Variants in SNCAIP observed in about 807,000 individuals in gnomAD.
The protein encoded by SNCAIP is synphilin-1.
In SNCAIP, 43 loss-of-function variants were observed where a neutral mutation model predicts 86.7. The observed-to-expected ratio is 0.50, with a 90% CI of 0.39 to 0.64. SNCAIP has a LOEUF of 0.64. Among genes scored for constraint, SNCAIP ranks in the 30% least tolerant of loss-of-function variants. The pLI, the probability that SNCAIP is intolerant of heterozygous loss-of-function variation, is 0.00. For missense variants in SNCAIP, 981 were observed against 1,103.1 expected, an observed-to-expected ratio of 0.89 and a Z score of 1.57; for synonymous variants, 417 against 427.2, an observed-to-expected ratio of 0.98 and a Z score of 0.29.
In SNCAIP at chr5:122,406,179, C is replaced by T. The variant is rs140184036; in HGVS notation, c.130+2314C>T. ...TGGGCCCCTCTGAAAGAAATCTCAA[C>T]GTGATGAAGTTTTCGGAGCTGGTTT... On this transcript the variant is annotated intron_variant, in intron 3 of 10. Transcript: ENST00000261368. Among the ~76,000 whole-genome samples the T allele has an allele frequency of 2.0e-3, 311 of 152,274 alleles. 1 individual carries two copies. Among genetic ancestry groups the T allele is most frequent in the African/African-American group, 5.1e-3 (210 of 41,560 alleles).
chr5:122,431,267 A>G (rs572420614), intron 5 of SNCAIP, among the ~76,000 whole-genome samples: 1 of 152,282 alleles, frequency 6.6e-6, no homozygotes, highest in South Asian at 2.1e-4. Context: ...CCGAGGAGAA[A>G]TAAAAGCATG....
In SNCAIP at chr5:122,451,334, C is replaced by A. The variant is rs1353858733; in HGVS notation, c.2487C>A (p.Ser829Arg). 6.2e-7 allele frequency: 1 copy of A among 1,614,084 alleles called. No individual in the cohort carries two copies. The highest frequency in any genetic ancestry group is 1.1e-5 in the South Asian group (1 of 91,080). The change falls in exon 10 of 11, where the codon AGC (serine) becomes AGA (arginine). Residue 829 changes from serine (S) to arginine (R), a missense_variant. Transcript: ENST00000261368. Reference sequence around the variant, plus strand: ...CTGTGGTGCAGATGGAGCAGCCTAGCCTTGAACTGAATGGAGAAAAAGACA... The same window carrying A: ...CTGTGGTGCAGATGGAGCAGCCTAGACTTGAACTGAATGGAGAAAAAGACA... ...EEPVVQMEQP[S>R]LELNGEKDKD...
Position 122,444,665 on chromosome 5 carries a change from C to T in SNCAIP, c.1525C>T (p.Leu509=). 1.2e-6 allele frequency: 2 copies of T among 1,614,006 alleles called. No individual in the cohort carries two copies. Among genetic ancestry groups the T allele is most frequent in the South Asian group, 1.1e-5 (1 of 91,080 alleles). Residue 509 remains leucine (L), a synonymous_variant, in exon 8 of 11, where the codon CTG becomes TTG. Transcript: ENST00000261368. The part of the protein sequence containing the change: ...RQGHTLCSRY[L]VVVETCMSLA... Reference sequence around the variant, plus strand: ...GGGGCACACCCTGTGCTCCAGGTACCTGGTGGTGGTGGAGACCTGCATGTC... The same window carrying T: ...GGGGCACACCCTGTGCTCCAGGTACTTGGTGGTGGTGGAGACCTGCATGTC...
At chr5:122,346,305 C>T (rs916892587) in intron 1 of SNCAIP, among the ~76,000 whole-genome samples, 12 of 152,084 alleles carry the variant, frequency 7.9e-5, no homozygotes, top group Non-Finnish European at 1.5e-5. Flanking sequence ...GAATGGCTTA[C>T]CTTACATGGT....
intron 3 of SNCAIP, among the ~76,000 whole-genome samples, chr5:122,417,167 C>T (rs138148170): frequency 2.0e-5 from 3 of 152,286 alleles, no homozygotes; most frequent in East Asian, 1.9e-4. Context: ...ACTGTTGCAA[C>T]AGCAAACTGT....
At chr5:122,315,687 A>G (rs1554074143) in intron 1 of SNCAIP, among the ~76,000 whole-genome samples, 1 of 151,984 alleles carries the variant, frequency 6.6e-6, no homozygotes, top group Non-Finnish European at 1.5e-5. Context: ...TTGTCCTGCA[A>G]TTTTTTTTCT....
intron 1 of SNCAIP, among the ~76,000 whole-genome samples, chr5:122,337,583 G>A (rs1756746939): frequency 6.6e-6 from 1 of 152,156 alleles, no homozygotes; most frequent in Non-Finnish European, 1.5e-5. Flanking sequence ...CTGTCACCCA[G>A]GCTGGAGTGC....
intron 1 of SNCAIP, among the ~76,000 whole-genome samples, chr5:122,377,354 AT>A (rs1226683237): frequency 6.6e-6 from 1 of 151,900 alleles, no homozygotes; most frequent in African/African-American, 2.4e-5. Flanking sequence ...GTTTGCATGT[AT>A]TTTTTTCTAT....
chr5:122,444,595 G>T lies in SNCAIP; in HGVS notation c.1455G>T (p.Met485Ile). The change falls in exon 8 of 11, where the codon ATG becomes ATT. Residue 485 changes from methionine (M) to isoleucine (I), a missense_variant. Coordinates refer to ENST00000261368, the MANE Select transcript of SNCAIP (RefSeq NM_005460.4). ...TLVEYGANVTMQNHAGEKPSQ... is the reference protein window; with the variant it reads ...TLVEYGANVTIQNHAGEKPSQ... ...TTGAATATGGAGCAAATGTCACCAT[G>T]CAGAACCACGCTGGGGAAAAGCCCT... 6.2e-7 allele frequency: 1 copy of T among 1,614,164 alleles called. No individual in the cohort carries two copies. Among genetic ancestry groups the T allele is most frequent in the East Asian group, 2.2e-5 (1 of 44,878 alleles).
chr5:122,403,655 G>C (rs1335486681), intron 2 of SNCAIP, 138 bp from the exon 3 acceptor site: 1 of 790,350 alleles, frequency 1.3e-6, no homozygotes, highest in African/African-American at 1.7e-5. Context: ...GCCCATTTAG[G>C]GTAAAATGAG....
intron 5 of SNCAIP, among the ~76,000 whole-genome samples, chr5:122,430,507 A>C (rs548193844): frequency 4.6e-5 from 7 of 152,170 alleles, no homozygotes; most frequent in African/African-American, 4.8e-5. Flanking sequence ...TGAGTATCGG[A>C]TAGGTAAAGT....
At chr5:122,389,328 G>A (rs1015359990) in intron 1 of SNCAIP, 5 of 152,124 alleles carry the variant, frequency 3.3e-5, no homozygotes, top group African/African-American at 1.2e-4. Flanking sequence ...AGCATCATCT[G>A]TGTGTTGTTC....
chr5:122,429,856 A>T (rs3811894), intron 5 of SNCAIP, among the ~76,000 whole-genome samples: 33,242 of 152,026 alleles, frequency 0.22, 4,181 homozygotes, highest in South Asian at 0.32. Context: ...AGAACTTGAG[A>T]TAGAAAGGAC....
intron 4 of SNCAIP, among the ~76,000 whole-genome samples, chr5:122,424,239 T>TG (rs1010070762): frequency 1.3e-5 from 2 of 152,222 alleles, no homozygotes; most frequent in African/African-American, 4.8e-5. Flanking sequence ...CATTGCCCTC[T>TG]GACCCAGGTG....
intron 5 of SNCAIP, among the ~76,000 whole-genome samples, chr5:122,429,201 C>T (rs1777920474): frequency 6.6e-6 from 1 of 151,546 alleles, no homozygotes; most frequent in East Asian, 1.9e-4. Context: ...CTGTAAATGC[C>T]TCTATTAAAA....
chr5:122,444,221 C>T (rs1280522097), intron 7 of SNCAIP: 4 of 479,652 alleles, frequency 8.3e-6, no homozygotes, highest in Non-Finnish European at 1.6e-5. Context: ...CCCCCTCTTA[C>T]AGGCATCTCT....
chr5:122,387,476 C>T (rs551844929), intron 1 of SNCAIP, among the ~76,000 whole-genome samples: 1 of 152,134 alleles, frequency 6.6e-6, no homozygotes, highest in Non-Finnish European at 1.5e-5. Context: ...TTAAGCTGGC[C>T]TGCCCTTTCT....
chr5:122,390,075 C>T (rs1769026586), intron 1 of SNCAIP, among the ~76,000 whole-genome samples: 1 of 152,106 alleles, frequency 6.6e-6, no homozygotes, highest in Non-Finnish European at 1.5e-5. Flanking sequence ...TCCAGTAATG[C>T]ACTCCTTATT....
intron 2 of SNCAIP, among the ~76,000 whole-genome samples, chr5:122,395,746 A>C (rs1770470721): frequency 6.6e-6 from 1 of 152,082 alleles, no homozygotes; most frequent in African/African-American, 2.4e-5. Context: ...CATTTTGAGA[A>C]AGACTCATTT....
Sources: gnomAD v4.1 joint callset for allele counts (sites outside exome capture counted in the v4.1 genomes callset) on GRCh38, gnomAD v4.1.1 for gene constraint, MANE v1.5 for transcripts, NCBI Gene and HGNC (gene_info 2026-07-23, HGNC 2026-07-21) for gene names.